Variants in KIF24 observed in about 807,000 individuals in gnomAD.
KIF24 encodes the protein kinesin-like protein KIF24.
KIF24 carries 81 observed loss-of-function variants against 118.9 expected under a neutral mutation model. The ratio of observed to expected loss-of-function variants is 0.68; its 90% CI spans 0.57 to 0.82. The LOEUF (loss-of-function observed/expected upper bound fraction) is 0.82. Among genes scored for constraint, KIF24 ranks in the 40% least tolerant of loss-of-function variants. The pLI, the probability that KIF24 is intolerant of heterozygous loss-of-function variation, is 0.00. For synonymous variants in KIF24, 599 were observed against 610.0 expected (o/e 0.98, Z 0.27); for missense variants, 1,560 against 1,661.6 (o/e 0.94, Z 1.06).
At chr9:34,306,764 T>C (rs989117244) in intron 2 of KIF24, among the ~76,000 whole-genome samples, 1 of 151,696 alleles carries the variant, frequency 6.6e-6, no homozygotes, top group African/African-American at 2.4e-5. Flanking sequence ...ATTGCGCCAC[T>C]GCACTCCAGC....
At chr9:34,287,607 A>AT (rs958458286) in intron 5 of KIF24, among the ~76,000 whole-genome samples, 1 of 152,142 alleles carries the variant, frequency 6.6e-6, no homozygotes, top group Non-Finnish European at 1.5e-5. Context: ...CTCAAAAATA[A>AT]TTTTTTTCTC....
At chr9:34,264,196 C>T (rs1201565395) in intron 8 of KIF24, among the ~76,000 whole-genome samples, 1 of 150,988 alleles carries the variant, frequency 6.6e-6, no homozygotes, top group Non-Finnish European at 1.5e-5. Context: ...CTGAGGCGGG[C>T]AGATTATTTG....
chr9:34,296,337 T>C (rs1251106566), intron 4 of KIF24, among the ~76,000 whole-genome samples: 1 of 147,994 alleles, frequency 6.8e-6, no homozygotes, highest in Non-Finnish European at 1.5e-5. Flanking sequence ...CCATCCTGGC[T>C]AACACGGTGA....
At chr9:34,331,379 G>A (rs1837931782), upstream of KIF24, among the ~76,000 whole-genome samples, 1 of 152,194 alleles carries the variant, frequency 6.6e-6, no homozygotes, top group African/African-American at 2.4e-5. Context: ...ATGCAAAGTA[G>A]GTGTTAACTT....
intron 1 of KIF24, among the ~76,000 whole-genome samples, chr9:34,321,409 A>C (rs986671111): frequency 2.6e-5 from 4 of 151,938 alleles, no homozygotes; most frequent in African/African-American, 9.7e-5. Flanking sequence ...TCAAGTTTAA[A>C]ATTGAAATAA....
rs57149308 is a variant in KIF24 at position 34,307,860 on chromosome 9, G to GA, written c.624-1420dup. 4.0e-3 allele frequency among the ~76,000 whole-genome samples: 458 copies of GA among 113,898 alleles called. 5 individuals carry two copies. The highest frequency in any genetic ancestry group is 0.015 in the African/African-American group (409 of 27,664). 74.7% of individuals were successfully genotyped at this position (113,898 alleles called of 152,430 possible). On this transcript the variant is annotated intron_variant, in intron 2 of 12. Coordinates refer to ENST00000402558, the MANE Select transcript of KIF24 (RefSeq NM_194313.4). Reference sequence around the variant, plus strand: ...TGGGCAACAGAGCAAGACTCTGTCTGAAAAAAAAAAAAAAAAAAAGAAAAA... The same window carrying GA: ...TGGGCAACAGAGCAAGACTCTGTCTGAAAAAAAAAAAAAAAAAAAAGAAAAA...
chr9:34,263,232 G>A, intron 8 of KIF24, 60 bp from the exon 9 acceptor site: 1 of 1,201,160 alleles, frequency 8.3e-7, no homozygotes, highest in Non-Finnish European at 1.2e-6. Flanking sequence ...TAACAGACCT[G>A]ATGCCGCCTC....
intron 8 of KIF24, among the ~76,000 whole-genome samples, chr9:34,264,628 A>G (rs1023435334): frequency 6.6e-6 from 1 of 152,132 alleles, no homozygotes; most frequent in Admixed American, 6.5e-5. Flanking sequence ...TTAAAAATCT[A>G]TCCAGTATTC....
chr9:34,333,090 G>A (rs1837990756), upstream of KIF24, among the ~76,000 whole-genome samples: 1 of 152,106 alleles, frequency 6.6e-6, no homozygotes, highest in Non-Finnish European at 1.5e-5. Context: ...GGACACTAGT[G>A]CCCTAAGTTA....
intron 4 of KIF24, 25 bp from the exon 5 acceptor site, chr9:34,290,414 C>T (rs376869340): frequency 2.2e-5 from 30 of 1,378,696 alleles, no homozygotes; most frequent in Non-Finnish European, 2.8e-5. Context: ...ATTTGCATTA[C>T]TTATGCATAT....
intron 4 of KIF24, among the ~76,000 whole-genome samples, chr9:34,293,691 G>C (rs2131762613): frequency 6.6e-6 from 1 of 152,184 alleles, no homozygotes; most frequent in South Asian, 2.1e-4. Context: ...CAGGAGAATG[G>C]CGTGAACCCA....
intron 6 of KIF24, among the ~76,000 whole-genome samples, chr9:34,278,600 A>C (rs1835740552): frequency 6.6e-6 from 1 of 151,620 alleles, no homozygotes. Context: ...AAGGAAGCAG[A>C]TAAGAGAAAG....
chr9:34,296,387 C>T (rs925081385), intron 4 of KIF24, among the ~76,000 whole-genome samples: 1 of 151,040 alleles, frequency 6.6e-6, no homozygotes. Flanking sequence ...ATTAGCCGGG[C>T]GTGGTGGCGG....
At chr9:34,285,619 CA>C (rs1397729706) in intron 6 of KIF24, among the ~76,000 whole-genome samples, 1 of 151,506 alleles carries the variant, frequency 6.6e-6, no homozygotes, top group African/African-American at 2.4e-5. Flanking sequence ...CTAAAAAATA[CA>C]AAAAATTAGC....
rs564380896 is a variant in KIF24 at position 34,255,759 on chromosome 9, C to T, written c.3848G>A (p.Arg1283His). The part of the protein sequence containing the change: ...SCSPKTAGTL[R>H]QPTLEQAQQV... ...CTGCGCTTGCTCCAGGGTGGGCTGA[C>T]GGAGTGTCCCTGCAGTCTTGGGAGA... Residue 1283 changes from arginine to histidine, a missense_variant, in exon 11 of 13, where the codon CGT (arginine) becomes CAT (histidine). By Grantham distance (29) the Arg-to-His change is conservative (BLOSUM62 0). Around this residue, in one of 3 missense-constraint regions of KIF24, gnomAD observed 591 missense variants for 655.6 expected, o/e 0.90. Transcript: ENST00000402558. The T allele has an allele frequency of 8.7e-6, 14 of 1,612,818 alleles. No homozygotes were observed. Among genetic ancestry groups the T allele is most frequent in the Middle Eastern group, 1.6e-4 (1 of 6,062 alleles).
intron 8 of KIF24, among the ~76,000 whole-genome samples, chr9:34,264,868 T>C (rs1835226267): frequency 6.6e-6 from 1 of 152,008 alleles, no homozygotes; most frequent in South Asian, 2.1e-4. Flanking sequence ...AAGTAAATAA[T>C]GTGGAGCAGC....
chr9:34,269,294 T>C lies in KIF24; in HGVS notation c.1406A>G (p.Lys469Arg). 2 of 1,611,462 alleles carry C rather than the reference T, an allele frequency of 1.2e-6. No homozygotes were observed. The highest frequency in any genetic ancestry group is 1.7e-6 in the Non-Finnish European group (2 of 1,178,082). The change falls in exon 8 of 13, where the codon AAG becomes AGG. Residue 469 changes from lysine to arginine, a missense_variant. Transcript: ENST00000402558. ...ADARDSDRQTKMEGAEINQSL... is the reference protein window; with the variant it reads ...ADARDSDRQTRMEGAEINQSL... ...CTGATTTATTTCTGCACCTTCCATC[T>C]TTGTCTGTCTATCTGAGTCCCTTGC...
chr9:34,301,987 A>ATT (rs71504112), intron 3 of KIF24, among the ~76,000 whole-genome samples: 2 of 72,474 alleles, frequency 2.8e-5, no homozygotes, highest in Non-Finnish European at 4.3e-5. Context: ...CTATATATGT[A>ATT]TTTTTTTTTC....
chr9:34,288,494 A>C (rs1836132065), intron 5 of KIF24, among the ~76,000 whole-genome samples: 1 of 151,848 alleles, frequency 6.6e-6, no homozygotes, highest in Non-Finnish European at 1.5e-5. Context: ...CCTCAGAAAA[A>C]GAAAAAAAAA....
Sources: gnomAD v4.1 joint callset for allele counts (sites outside exome capture counted in the v4.1 genomes callset) on GRCh38, gnomAD v4.1.1 for gene constraint, gnomAD v4.1.1 regional missense constraint, MANE v1.5 for transcripts, NCBI Gene and HGNC (gene_info 2026-07-23, HGNC 2026-07-21) for gene names.